Variants in OPHN1 observed in about 807,000 individuals in gnomAD.
OPHN1 encodes oligophrenin-1.
OPHN1 carries 11 observed loss-of-function variants against 60.7 expected under a neutral mutation model. The ratio of observed to expected loss-of-function variants is 0.18; its 90% CI spans 0.11 to 0.30. The LOEUF (loss-of-function observed/expected upper bound fraction) is 0.30. Among genes scored for constraint, OPHN1 ranks in the 10% least tolerant of loss-of-function variants. The pLI is 1.00. For missense variants in OPHN1, 449 were observed against 611.0 expected, an observed-to-expected ratio of 0.73 and a Z score of 2.80; for synonymous variants, 226 against 222.6, an observed-to-expected ratio of 1.02 and a Z score of -0.14.
intron 5 of OPHN1, among the ~76,000 whole-genome samples, chrX:68,265,976 G>C (rs183351963): frequency 9.0e-6 from 1 of 111,445 alleles, no homozygotes; most frequent in Non-Finnish European, 1.9e-5. Flanking sequence ...GAGGTTTAGA[G>C]AAAAAAGAAT....
intron 5 of OPHN1, among the ~76,000 whole-genome samples, chrX:68,244,425 T>C (rs1460025331): frequency 8.9e-6 from 1 of 112,354 alleles, no homozygotes; most frequent in East Asian, 2.8e-4. Context: ...TCCCACCCTC[T>C]GGCACACCAC....
intron 2 of OPHN1, among the ~76,000 whole-genome samples, chrX:68,390,733 C>T (rs2078649640): frequency 8.9e-6 from 1 of 112,080 alleles, no homozygotes; most frequent in South Asian, 3.7e-4. Context: ...GTACAACTTG[C>T]AGTCTAGAAG....
At chrX:68,432,724 C>T (rs1288172308) in intron 2 of OPHN1, 143 bp downstream of exon 2, 7 of 622,683 alleles carry the variant, frequency 1.1e-5, no homozygotes, top group Non-Finnish European at 1.8e-5. Flanking sequence ...ACTATCTCCA[C>T]TCCCCAAGTG....
chrX:68,398,600 C>G, intron 2 of OPHN1, among the ~76,000 whole-genome samples: 1 of 111,207 alleles, frequency 9.0e-6, no homozygotes, highest in Non-Finnish European at 1.9e-5. Context: ...AGCTAAGGCC[C>G]TAACTTAAAG....
chrX:68,077,787 T>C (rs887044662), intron 19 of OPHN1, among the ~76,000 whole-genome samples: 2 of 112,301 alleles, frequency 1.8e-5, no homozygotes, highest in African/African-American at 6.5e-5. Context: ...ATTTTTGTGC[T>C]GAATTTTAAG....
intron 2 of OPHN1, among the ~76,000 whole-genome samples, chrX:68,425,569 G>A (rs775271436): frequency 2.0e-4 from 22 of 111,242 alleles, no homozygotes; most frequent in Non-Finnish European, 3.8e-4. Flanking sequence ...TAGGTGCTCC[G>A]GTTGCCAAAG....
chrX:68,183,815 A>G lies in OPHN1; in HGVS notation c.1276+9104T>C, dbSNP rs189797892. On this transcript the variant is annotated intron_variant, in intron 15 of 24. Transcript: ENST00000355520. ...TTAATTAGCTTGTTTTCTCCTACTA[A>G]TCTTGTCTTTTGTTACAAGGGTATG... Among the ~76,000 whole-genome samples, 4 of 112,478 alleles carry G rather than the reference A, an allele frequency of 3.6e-5. No homozygotes were observed. The Admixed American group carries it at 3.8e-4, about 11-fold the overall frequency.
At chrX:68,268,898 G>A (rs1047818303) in intron 5 of OPHN1, among the ~76,000 whole-genome samples, 7 of 111,621 alleles carry the variant, frequency 6.3e-5, no homozygotes, top group African/African-American at 2.3e-4. Flanking sequence ...CAAAGTCTCA[G>A]GATACAAAAT....
intron 2 of OPHN1, among the ~76,000 whole-genome samples, chrX:68,341,509 A>G (rs1464894382): frequency 9.0e-6 from 1 of 111,592 alleles, no homozygotes. Flanking sequence ...TTGTAGAAAG[A>G]AAAAGGAGGT....
intron 4 of OPHN1, among the ~76,000 whole-genome samples, chrX:68,276,764 T>C (rs1191975310): frequency 9.0e-6 from 1 of 110,971 alleles, no homozygotes; most frequent in African/African-American, 3.3e-5. Context: ...AGCTAGGTCA[T>C]AAAAGGCCAG....
intron 15 of OPHN1, among the ~76,000 whole-genome samples, chrX:68,184,248 G>A (rs572423398): frequency 1.4e-3 from 160 of 112,126 alleles, no homozygotes; most frequent in African/African-American, 5.0e-3. Context: ...GGGGCCGGGC[G>A]CTGTGGCTCA....
chrX:68,168,483 C>T (rs1480722180), intron 15 of OPHN1, among the ~76,000 whole-genome samples: 2 of 111,329 alleles, frequency 1.8e-5, no homozygotes, highest in Non-Finnish European at 3.8e-5. Context: ...ATACCAGAAT[C>T]TCTGGGACAC....
At chrX:68,094,008 T>C (rs899971567) in intron 19 of OPHN1, among the ~76,000 whole-genome samples, 3 of 110,908 alleles carry the variant, frequency 2.7e-5, no homozygotes, top group Non-Finnish European at 5.7e-5. Context: ...CAGTTTTCTA[T>C]ATTATCTTCT....
chrX:68,297,562 A>G (rs961496164), intron 3 of OPHN1, among the ~76,000 whole-genome samples: 5 of 112,409 alleles, frequency 4.4e-5, no homozygotes, highest in Non-Finnish European at 7.5e-5. Flanking sequence ...TCATTGAAAT[A>G]TTACTTATAA....
intron 15 of OPHN1, among the ~76,000 whole-genome samples, chrX:68,147,262 G>T (rs776167843): frequency 9.0e-6 from 1 of 111,623 alleles, no homozygotes; most frequent in Non-Finnish European, 1.9e-5. Flanking sequence ...TCAACCCCAA[G>T]GATAACCTTA....
chrX:68,137,426 C>T (rs1213150031), intron 15 of OPHN1, among the ~76,000 whole-genome samples: 1 of 111,338 alleles, frequency 9.0e-6, no homozygotes, highest in Non-Finnish European at 1.9e-5. Context: ...TATTTCTGGC[C>T]CAACCTGACA....
intron 2 of OPHN1, among the ~76,000 whole-genome samples, chrX:68,413,176 G>A (rs1011480598): frequency 1.8e-5 from 2 of 111,649 alleles, no homozygotes; most frequent in African/African-American, 6.5e-5. Flanking sequence ...TATTTCTTCT[G>A]GGGTTTCTAA....
At chrX:68,269,759 G>C (rs1185269094) in intron 5 of OPHN1, among the ~76,000 whole-genome samples, 1 of 111,876 alleles carries the variant, frequency 8.9e-6, no homozygotes, top group African/African-American at 3.3e-5. Flanking sequence ...AAACTCAAGA[G>C]CTGCTGCACA....
intron 18 of OPHN1, among the ~76,000 whole-genome samples, chrX:68,098,980 G>A (rs967341887): frequency 9.0e-6 from 1 of 111,370 alleles, no homozygotes; most frequent in Non-Finnish European, 1.9e-5. Context: ...AAGTCTTATA[G>A]TTATCCCATT....
Sources: gnomAD v4.1 joint callset for allele counts (sites outside exome capture counted in the v4.1 genomes callset) on GRCh38, gnomAD v4.1.1 for gene constraint, MANE v1.5 for transcripts, NCBI Gene and HGNC (gene_info 2026-07-23, HGNC 2026-07-21) for gene names.